Variants in PTBP2 observed in about 807,000 individuals in gnomAD.
PTBP2 encodes polypyrimidine tract binding protein 2.
A neutral mutation model predicts 61.4 loss-of-function variants in PTBP2; 13 were observed. The ratio of observed to expected loss-of-function variants is 0.21; its 90% confidence interval spans 0.14 to 0.34. PTBP2 has a LOEUF of 0.34. Among genes scored for constraint, PTBP2 ranks in the 10% least tolerant of loss-of-function variants. The pLI is 1.00. For synonymous variants in PTBP2, 215 were observed against 218.5 expected (o/e 0.98, Z 0.14); for missense variants, 405 against 642.6 (o/e 0.63, Z 4.00).
rs764866338 is a variant in PTBP2 at position 96,751,442 on chromosome 1, A to G, written c.57A>G (p.Leu19=). The part of the protein sequence containing the change: ...AVGVKRGSDE[L]LSGSVLSSPN... ...TTTCATAGAGAGGATCTGACGAACT[A>G]CTCTCAGGCAGTGTTCTCAGTAGTC... The change falls in exon 3 of 14, where the codon CTA becomes CTG. Residue 19 remains leucine, a synonymous_variant. Coordinates refer to ENST00000674951, the MANE Select transcript of PTBP2 (RefSeq NM_021190.4). 27 of 1,612,426 alleles carry G rather than the reference A, an allele frequency of 1.7e-5. No homozygotes were observed. Among genetic ancestry groups the G allele is most frequent in the Admixed American group, 3.3e-5 (2 of 59,924 alleles).
At position 96,770,793 on chromosome 1, in the gene PTBP2, C is replaced by T. The variant is rs1462439365; in HGVS notation, c.374C>T (p.Pro125Leu). 6.3e-7 allele frequency: 1 copy of T among 1,589,976 alleles called. No homozygotes were observed. The highest frequency in any genetic ancestry group is 1.1e-5 in the South Asian group (1 of 90,548). ...GTGACACCTCATCTTCGTAACCAACCAATATATATCCAGTACTCGAATCAC... is the reference window on the plus strand; with the variant it reads ...GTGACACCTCATCTTCGTAACCAACTAATATATATCCAGTACTCGAATCAC... The part of the protein sequence containing the change: ...SAVTPHLRNQ[P>L]IYIQYSNHKE... The change falls in exon 5 of 14, where the codon CCA (proline) becomes CTA (leucine). Residue 125 changes from proline (P) to leucine (L), a missense_variant. Around this residue, in one of 4 missense-constraint regions of PTBP2, gnomAD observed 342 missense variants for 491.2 expected, o/e 0.70. Transcript: ENST00000674951.
intron 11 of PTBP2, among the ~76,000 whole-genome samples, chr1:96,809,822 A>G (rs932822953): frequency 3.3e-5 from 5 of 152,142 alleles, no homozygotes; most frequent in Non-Finnish European, 5.9e-5. Flanking sequence ...AGTGAAAGAG[A>G]AGTCTTGACG....
At chr1:96,801,108 A>T (rs1189611138) in intron 8 of PTBP2, among the ~76,000 whole-genome samples, 1 of 152,108 alleles carries the variant, frequency 6.6e-6, no homozygotes, top group African/African-American at 2.4e-5. Flanking sequence ...TTAGGCTGGT[A>T]TGTTTAGATC....
chr1:96,804,957 T>C lies in PTBP2; in HGVS notation c.1044+18T>C, dbSNP rs977013881. 5 of 1,536,586 alleles carry C rather than the reference T, an allele frequency of 3.3e-6. No individual in the cohort carries two copies. The African/African-American group carries it at 6.9e-5, about 21-fold the overall frequency. ...ATGAAGAGGTTAGTAAAATAATCTC[T>C]AATGTTTATTCTTTAACTCCATTTC... On this transcript the variant is annotated intron_variant, in intron 9 of 13. Coordinates refer to ENST00000674951, the MANE Select transcript of PTBP2 (RefSeq NM_021190.4).
chr1:96,788,216 T>A (rs760092422), intron 8 of PTBP2, among the ~76,000 whole-genome samples: 1 of 152,138 alleles, frequency 6.6e-6, no homozygotes, highest in African/African-American at 2.4e-5. Context: ...GTAATTCTTA[T>A]AAAATGCATA....
In PTBP2 at chr1:96,777,497, A is replaced by G. The variant is rs539682918; in HGVS notation, c.433-88A>G. The G allele has an allele frequency of 4.5e-4, 544 of 1,204,596 alleles. 9 individuals carry two copies. In the South Asian group the frequency reaches 0.01, roughly 22 times the overall value. 74.6% of individuals were successfully genotyped at this position (1,204,596 alleles called of 1,614,324 possible). On this transcript the variant is annotated intron_variant, in intron 5 of 13. Transcript: ENST00000674951. ...ATTTTGTTTAATCTGTGTAAGTTCT[A>G]GGAACAAAGTGAACTAGTAGTGTAA... is the stretch of plus-strand genomic sequence containing the variant.
At chr1:96,778,383 T>C (rs1324773724) in intron 7 of PTBP2, among the ~76,000 whole-genome samples, 1 of 102,802 alleles carries the variant, frequency 9.7e-6, no homozygotes, top group East Asian at 3.6e-4. Context: ...TTCTCTTTAA[T>C]GTCTTTTTTT....
At position 96,812,653 on chromosome 1, in the gene PTBP2, A is replaced by G. The variant is rs1662197690; in HGVS notation, c.1172-59A>G. The stretch of plus-strand genomic sequence containing the variant: ...AATTTTTAAACTGTTACGTTAAAAG[A>G]ATTATGTTTGTTTTGAGCTTTGATA... On this transcript the variant is annotated intron_variant, in intron 11 of 13. Transcript: ENST00000674951. 4.6e-6 allele frequency: 6 copies of G among 1,315,660 alleles called. No individual in the cohort carries two copies. The South Asian group carries it at 5.3e-5, about 12-fold the overall frequency. 81.5% of individuals were successfully genotyped at this position (1,315,660 alleles called of 1,614,324 possible). A position where few individuals can be genotyped will look rare whatever the true frequency, so the allele number is the denominator to read the frequency against.
At chr1:96,743,680 T>C (rs1653356789) in intron 2 of PTBP2, among the ~76,000 whole-genome samples, 1 of 152,196 alleles carries the variant, frequency 6.6e-6, no homozygotes, top group Non-Finnish European at 1.5e-5. Flanking sequence ...GATGAGTTGT[T>C]ACCCTAAAAC....
intron 3 of PTBP2, among the ~76,000 whole-genome samples, chr1:96,764,889 T>C (rs746141625): frequency 6.6e-6 from 1 of 152,186 alleles, no homozygotes; most frequent in Non-Finnish European, 1.5e-5. Flanking sequence ...ATGCCTAATA[T>C]GCTTTTGACA....
chr1:96,823,177 T>G (rs1457444799), exon 14 of PTBP2: 2 of 152,350 alleles, frequency 1.3e-5, no homozygotes, highest in Non-Finnish European at 2.9e-5. Flanking sequence ...GCCAGGCTGG[T>G]CTCGAACTCC....
chr1:96,732,016 A>G (rs1651486457), intron 2 of PTBP2, among the ~76,000 whole-genome samples: 1 of 152,180 alleles, frequency 6.6e-6, no homozygotes, highest in Non-Finnish European at 1.5e-5. Flanking sequence ...AATTTGTAGC[A>G]GTGTTCTTTA....
exon 14 of PTBP2, chr1:96,822,985 G>T (rs1255345665): frequency 6.8e-6 from 1 of 146,880 alleles, no homozygotes; most frequent in Non-Finnish European, 1.5e-5. Context: ...TTCTGAGAGA[G>T]AGTCTTGCTC....
rs575776886 is a variant in PTBP2 at position 96,807,466 on chromosome 1, T to G, written c.1171+508T>G. On this transcript the variant is annotated intron_variant, in intron 11 of 13. Coordinates refer to ENST00000674951, the MANE Select transcript of PTBP2 (RefSeq NM_021190.4). ...CACTTTATATCATTACTTAAATAAG[T>G]AATTGATTATTTTAATTAAACTTAT... Among the ~76,000 whole-genome samples the G allele has an allele frequency of 7.9e-5, 12 of 152,300 alleles. No individual in the cohort carries two copies. The East Asian group carries it at 1.4e-3, about 17-fold the overall frequency.
chr1:96,767,072 A>C (rs1222051661), intron 3 of PTBP2, among the ~76,000 whole-genome samples: 1 of 152,140 alleles, frequency 6.6e-6, no homozygotes, highest in Non-Finnish European at 1.5e-5. Flanking sequence ...AGTGAATATT[A>C]AATATTGATG....
intron 8 of PTBP2, among the ~76,000 whole-genome samples, chr1:96,795,883 T>C (rs1660327613): frequency 6.6e-6 from 1 of 152,188 alleles, no homozygotes; most frequent in African/African-American, 2.4e-5. Flanking sequence ...ATGTTTGTAA[T>C]GGACATAATG....
intron 3 of PTBP2, among the ~76,000 whole-genome samples, chr1:96,762,758 C>T (rs1033498433): frequency 3.3e-5 from 5 of 151,920 alleles, no homozygotes; most frequent in South Asian, 4.2e-4. Context: ...GACTGCCGGG[C>T]GGAGACGCTC....
chr1:96,782,742 C>G, intron 7 of PTBP2, among the ~76,000 whole-genome samples: 1 of 151,822 alleles, frequency 6.6e-6, no homozygotes, highest in Admixed American at 6.6e-5. Flanking sequence ...AATCTGATCC[C>G]CAACAATCTC....
chr1:96,821,270 T>C (rs1354122570), exon 14 of PTBP2: 1 of 152,194 alleles, frequency 6.6e-6, no homozygotes, highest in African/African-American at 2.4e-5. Context: ...CTTTTCTCTC[T>C]ACACCATTGT....
Sources: gnomAD v4.1 joint callset for allele counts (sites outside exome capture counted in the v4.1 genomes callset) on GRCh38, gnomAD v4.1.1 for gene constraint, gnomAD v4.1.1 regional missense constraint, MANE v1.5 for transcripts, NCBI Gene and HGNC (gene_info 2026-07-23, HGNC 2026-07-21) for gene names.